Variants in RABL3 observed in about 807,000 individuals in gnomAD.
RABL3 encodes rab-like protein 3.
RABL3 carries 31 observed loss-of-function variants against 31.8 expected under a neutral mutation model. The observed-to-expected ratio is 0.97, with a 90% confidence interval of 0.73 to 1.31. RABL3 has a LOEUF of 1.31. Among genes scored for constraint, RABL3 ranks in the 40% most tolerant of loss-of-function variants. The pLI is 0.00. For missense variants in RABL3, 263 were observed against 279.6 expected (o/e 0.94, Z 0.42); for synonymous variants, 97 against 99.9 (o/e 0.97, Z 0.18).
intron 5 of RABL3, among the ~76,000 whole-genome samples, chr3:120,694,431 A>G (rs1708413653): frequency 1.3e-5 from 2 of 152,164 alleles, no homozygotes; most frequent in African/African-American, 4.8e-5. Context: ...TGTAATTTAA[A>G]CAATTTTAGA....
At position 120,709,135 on chromosome 3, in the gene RABL3, AT is replaced by A. The variant is rs5852251; in HGVS notation, c.268+644del. Among the ~76,000 whole-genome samples, 650 of 152,144 alleles carry A rather than the reference AT, an allele frequency of 4.3e-3. 16 individuals are homozygous for A. The highest frequency in any genetic ancestry group is 0.035 in the Admixed American group (532 of 15,268). On this transcript the variant is annotated intron_variant, in intron 3 of 7. Transcript: ENST00000273375. Reference sequence around the variant, plus strand: ...CAGTAAAAACAGGTTTTAAAAATGAATTTTTAAAAAGACTAAGAAAGAAACT... The same window carrying A: ...CAGTAAAAACAGGTTTTAAAAATGAATTTTAAAAAGACTAAGAAAGAAACT...
At chr3:120,723,171 T>A (rs12107474) in intron 2 of RABL3, among the ~76,000 whole-genome samples, 1 of 150,442 alleles carries the variant, frequency 6.6e-6, no homozygotes. Flanking sequence ...TAAAAACACC[T>A]GTACGCAAAT....
intron 2 of RABL3, among the ~76,000 whole-genome samples, chr3:120,723,813 C>A (rs1370685626): frequency 1.3e-5 from 2 of 151,966 alleles, no homozygotes; most frequent in East Asian, 3.9e-4. Flanking sequence ...ATAATAAGAG[C>A]TATCTATGAC....
intron 1 of RABL3, among the ~76,000 whole-genome samples, 196 bp downstream of exon 1, chr3:120,742,266 C>T (rs1282183685): frequency 6.6e-6 from 1 of 152,048 alleles, no homozygotes; most frequent in Non-Finnish European, 1.5e-5. Context: ...CTCCGCGACC[C>T]CCACCCGCGC....
intron 2 of RABL3, among the ~76,000 whole-genome samples, chr3:120,727,038 T>G (rs539180233): frequency 6.6e-6 from 1 of 152,164 alleles, no homozygotes; most frequent in Admixed American, 6.5e-5. Context: ...ACGCTGTGCT[T>G]AGATAGAAAT....
At chr3:120,690,800 C>T (rs1240036171) in intron 6 of RABL3, among the ~76,000 whole-genome samples, 1 of 152,108 alleles carries the variant, frequency 6.6e-6, no homozygotes, top group African/African-American at 2.4e-5. Context: ...AAATCTGACT[C>T]TAAGTTTCCT....
chr3:120,713,690 G>A (rs1263029950), intron 2 of RABL3, among the ~76,000 whole-genome samples: 27 of 152,032 alleles, frequency 1.8e-4, no homozygotes, highest in Admixed American at 1.6e-3. Flanking sequence ...ACTCCTCAAC[G>A]ATGCTGCCAC....
chr3:120,694,086 A>G, intron 6 of RABL3, 67 bp downstream of exon 6: 1 of 1,023,266 alleles, frequency 9.8e-7, no homozygotes, highest in South Asian at 1.5e-5. Flanking sequence ...ATAGGATTCT[A>G]CAAAAAAATT....
At position 120,689,996 on chromosome 3, in the gene RABL3, T is replaced by TA. The variant is rs762906921; in HGVS notation, c.646-109dup. On this transcript the variant is annotated intron_variant, in intron 7 of 7. Coordinates refer to ENST00000273375, the MANE Select transcript of RABL3 (RefSeq NM_173825.5). ...TTCTGTATGTCAGCCTGCTGTTTCT[T>TA]AAAAAAACAACTTTCTGAGGTTTTA... The TA allele has an allele frequency of 2.5e-5, 20 of 815,512 alleles. No individual in the cohort carries two copies. The Admixed American group carries it at 4.1e-4, about 17-fold the overall frequency. The allele number at this position is 815,512 out of a possible 1,614,324, so 50.5% of individuals were successfully genotyped here. A position where few individuals can be genotyped will look rare whatever the true frequency, so the allele number is the denominator to read the frequency against.
chr3:120,710,844 C>T (rs1358960966), intron 2 of RABL3, among the ~76,000 whole-genome samples: 1 of 152,148 alleles, frequency 6.6e-6, no homozygotes, highest in Non-Finnish European at 1.5e-5. Context: ...TTTTCCTTTT[C>T]ACAGCAAAAG....
Position 120,709,809 on chromosome 3 carries a change from G to A in RABL3, c.239C>T (p.Thr80Ile), listed in dbSNP as rs569693929. ...TACGGAGTTGTAGAATACTGCTCTTGTGCTTTTCACGCTGCTGGCACTGCC... is the reference window on the plus strand; with the variant it reads ...TACGGAGTTGTAGAATACTGCTCTTATGCTTTTCACGCTGCTGGCACTGCC... ...SVGSASSVKS[T>I]RAVFYNSVNG... Residue 80 changes from threonine to isoleucine, a missense_variant, in exon 3 of 8, where the codon ACA becomes ATA. By Grantham distance (89) the Thr-to-Ile change is moderately conservative (BLOSUM62 -1). Coordinates refer to ENST00000273375, the MANE Select transcript of RABL3 (RefSeq NM_173825.5). The A allele has an allele frequency of 8.7e-5, 141 of 1,612,100 alleles. 3 individuals carry two copies. The South Asian group carries it at 1.5e-3, about 17-fold the overall frequency.
chr3:120,716,117 G>A (rs146710082), intron 2 of RABL3, among the ~76,000 whole-genome samples: 71 of 152,248 alleles, frequency 4.7e-4, no homozygotes, highest in Admixed American at 6.5e-5. Context: ...TCAATTGTAT[G>A]CAATGTGTAA....
Position 120,724,749 on chromosome 3 carries a change from T to G in RABL3, c.138+5947A>C, listed in dbSNP as rs541465930. Among the ~76,000 whole-genome samples, 1,046 of 152,122 alleles carry G rather than the reference T, an allele frequency of 6.9e-3. 16 individuals carry two copies. The highest frequency in any genetic ancestry group is 0.022 in the African/African-American group (908 of 41,446). On this transcript the variant is annotated intron_variant, in intron 2 of 7. Transcript: ENST00000273375. ...TGCTGGGAAAACTGGCTAGCCATAT[T>G]TAGAAAGCTGAAACTGGATCCCTTC...
chr3:120,700,281 A>T (rs1559812988), intron 4 of RABL3, among the ~76,000 whole-genome samples: 1 of 152,106 alleles, frequency 6.6e-6, no homozygotes, highest in African/African-American at 2.4e-5. Context: ...TGGAAAAATA[A>T]AGACAAAAAA....
intron 1 of RABL3, among the ~76,000 whole-genome samples, chr3:120,738,257 T>C (rs886786681): frequency 6.6e-6 from 1 of 152,222 alleles, no homozygotes; most frequent in Admixed American, 6.5e-5. Flanking sequence ...CAGACTGCTG[T>C]GCTAGCAATG....
At chr3:120,693,108 C>A (rs373296796) in intron 6 of RABL3, among the ~76,000 whole-genome samples, 1 of 151,096 alleles carries the variant, frequency 6.6e-6, no homozygotes, top group South Asian at 2.1e-4. Context: ...AACCCCCCCA[C>A]CCTGAGGACC....
chr3:120,726,280 A>C (rs371697075), intron 2 of RABL3, among the ~76,000 whole-genome samples: 87 of 152,222 alleles, frequency 5.7e-4, no homozygotes, highest in African/African-American at 1.7e-3. Flanking sequence ...TTAAAAAAAA[A>C]CCTCTTTATT....
At chr3:120,717,958 T>C (rs1708690074) in intron 2 of RABL3, among the ~76,000 whole-genome samples, 2 of 152,192 alleles carry the variant, frequency 1.3e-5, no homozygotes, top group South Asian at 4.1e-4. Context: ...TTTTGGAAAC[T>C]TTGCCACCAG....
chr3:120,735,835 T>A (rs909900081), intron 1 of RABL3, among the ~76,000 whole-genome samples: 1 of 152,150 alleles, frequency 6.6e-6, no homozygotes, highest in African/African-American at 2.4e-5. Flanking sequence ...GTTGTTCAGT[T>A]TCCATGCAGT....
Sources: allele counts gnomAD v4.1 joint callset (sites outside exome capture counted in the v4.1 genomes callset), GRCh38; gene constraint gnomAD v4.1.1; transcripts MANE v1.5; gene names NCBI Gene and HGNC (gene_info 2026-07-23, HGNC 2026-07-21).